Variants in SLCO2A1 observed in about 807,000 individuals in gnomAD.
The protein encoded by SLCO2A1 is matrin F/G 1.
A neutral mutation model predicts 71.7 loss-of-function variants in SLCO2A1; 60 were observed. The ratio of observed to expected loss-of-function variants is 0.84; its 90% CI spans 0.68 to 1.04. The LOEUF is 1.04. Among genes scored for constraint, SLCO2A1 ranks in the 50% least tolerant of loss-of-function variants. The pLI is 0.00. For synonymous variants in SLCO2A1, 308 were observed against 326.7 expected (o/e 0.94, Z 0.62); for missense variants, 745 against 813.4 (o/e 0.92, Z 1.02).
intron 3 of SLCO2A1, among the ~76,000 whole-genome samples, chr3:133,956,448 T>C (rs1933900864): frequency 6.6e-6 from 1 of 152,226 alleles, no homozygotes; most frequent in African/African-American, 2.4e-5. Flanking sequence ...AGAAAGTTGC[T>C]GTCATGGGAG....
intron 2 of SLCO2A1, among the ~76,000 whole-genome samples, chr3:133,978,924 G>A (rs775450988): frequency 1.1e-4 from 17 of 152,142 alleles, no homozygotes; most frequent in East Asian, 1.9e-4. Flanking sequence ...GGAAATGCTC[G>A]GAGGCCATAG....
chr3:133,934,560 G>C lies in SLCO2A1; in HGVS notation c.*153C>G. The stretch of plus-strand genomic sequence containing the variant: ...CTTAGGAACTGTGGGGAGGACTCTG[G>C]GAGGAAGAGGTAGGGAAGGCAAATG... On this transcript the variant is annotated 3_prime_UTR_variant, in exon 14 of 14. Coordinates refer to ENST00000310926, the MANE Select transcript of SLCO2A1 (RefSeq NM_005630.3). The C allele has an allele frequency of 1.7e-6, 1 of 595,016 alleles. No homozygotes were observed. The highest frequency in any genetic ancestry group is 3.0e-6 in the Non-Finnish European group (1 of 334,622). 36.9% of individuals were successfully genotyped at this position (595,016 alleles called of 1,614,324 possible).
chr3:134,007,645 T>C (rs908980551), intron 1 of SLCO2A1, among the ~76,000 whole-genome samples: 23 of 152,134 alleles, frequency 1.5e-4, no homozygotes, highest in African/African-American at 5.3e-4. Flanking sequence ...CCTGGAGTAG[T>C]GGGCAGGGTT....
At chr3:133,953,853 C>A in intron 4 of SLCO2A1, 92 bp from the exon 5 acceptor site, 1 of 929,754 alleles carries the variant, frequency 1.1e-6, no homozygotes, top group South Asian at 1.4e-5. Context: ...CTTGAGATAT[C>A]ACTTCATCTG....
intron 1 of SLCO2A1, chr3:133,998,835 A>G (rs961941440): frequency 1.3e-5 from 2 of 152,270 alleles, no homozygotes; most frequent in Admixed American, 6.5e-5. Flanking sequence ...GACTCATTCT[A>G]AACCTGTGCC....
At chr3:133,973,058 C>G (rs977757688) in intron 3 of SLCO2A1, among the ~76,000 whole-genome samples, 3 of 152,130 alleles carry the variant, frequency 2.0e-5, no homozygotes, top group African/African-American at 7.2e-5. Flanking sequence ...AAATATGGGT[C>G]AACCATAAGT....
chr3:133,954,309 T>C (rs1196803247), intron 4 of SLCO2A1, among the ~76,000 whole-genome samples: 4 of 151,812 alleles, frequency 2.6e-5, no homozygotes, highest in Non-Finnish European at 5.9e-5. Context: ...ACCACAGGTA[T>C]GCGCCACCAT....
intron 1 of SLCO2A1, among the ~76,000 whole-genome samples, chr3:134,020,161 T>C (rs980639114): frequency 9.9e-5 from 15 of 152,146 alleles, no homozygotes; most frequent in Non-Finnish European, 2.1e-4. Flanking sequence ...CAATGGATCA[T>C]GACCCGCTCA....
At position 133,947,344 on chromosome 3, in the gene SLCO2A1, T is replaced by C. The variant is rs771222238; in HGVS notation, c.1207A>G (p.Thr403Ala). 1.1e-5 allele frequency: 17 copies of C among 1,614,102 alleles called. No individual in the cohort carries two copies. Among genetic ancestry groups the C allele is most frequent in the Non-Finnish European group, 1.4e-5 (16 of 1,180,016 alleles). Residue 403 changes from threonine to alanine, a missense_variant, in exon 9 of 14, where the codon ACC (threonine) becomes GCC (alanine). Transcript: ENST00000310926. ...SLQAIPRIAT[T>A]IITISMILCV... ...AGGATCATGGAGATGGTGATGATGG[T>C]GGTAGCTATGCGGGGAATGGCTTGT...
Position 133,986,916 on chromosome 3 carries a change from G to C in SLCO2A1, c.97-7298C>G, listed in dbSNP as rs138293544. ...TTTCCAAACTAAACATCGGAACTAC[G>C]ATCTAACCATTGTTAGGTCACAGTG... On this transcript the variant is annotated intron_variant, in intron 1 of 13. Coordinates refer to ENST00000310926, the MANE Select transcript of SLCO2A1 (RefSeq NM_005630.3). 6.1e-3 allele frequency among the ~76,000 whole-genome samples: 934 copies of C among 152,152 alleles called. 8 individuals are homozygous for C. Among genetic ancestry groups the C allele is most frequent in the African/African-American group, 0.02 (844 of 41,482 alleles).
intron 3 of SLCO2A1, among the ~76,000 whole-genome samples, chr3:133,967,434 G>A (rs746462597): frequency 2.0e-5 from 3 of 152,128 alleles, no homozygotes; most frequent in Non-Finnish European, 2.9e-5. Flanking sequence ...TTCCAGCTTC[G>A]CTCCTTCCCG....
chr3:133,955,031 A>C lies in SLCO2A1; in HGVS notation c.560T>G (p.Ile187Ser), dbSNP rs1235670881. Reference protein sequence around the residue: ...QLLAGIGTVPIQPFGISYVDD... With the variant: ...QLLAGIGTVPSQPFGISYVDD... ...CACATAGGAGATCCCAAATGGCTGA[A>C]TAGGCACTGTCCCGATGCCAGCCAG... is the stretch of plus-strand genomic sequence containing the variant. Residue 187 changes from isoleucine (I) to serine (S), a missense_variant, in exon 4 of 14, where the codon ATT becomes AGT. By Grantham distance (142) the Ile-to-Ser change is moderately radical. Transcript: ENST00000310926. The C allele has an allele frequency of 6.2e-7, 1 of 1,614,068 alleles. No individual in the cohort carries two copies. Among genetic ancestry groups the C allele is most frequent in the African/African-American group, 1.3e-5 (1 of 74,918 alleles).
chr3:133,942,462 A>G (rs1029865375), intron 11 of SLCO2A1, 143 bp downstream of exon 11: 6 of 865,180 alleles, frequency 6.9e-6, no homozygotes, highest in Non-Finnish European at 1.0e-5. Context: ...CCTCAGCAAA[A>G]GAACCTTGCA....
At chr3:134,019,497 C>G (rs1165314244) in intron 1 of SLCO2A1, among the ~76,000 whole-genome samples, 1 of 152,166 alleles carries the variant, frequency 6.6e-6, no homozygotes, top group Non-Finnish European at 1.5e-5. Context: ...TGAACAAATC[C>G]TATTTGTTGA....
At position 134,011,170 on chromosome 3, in the gene SLCO2A1, C is replaced by T. The variant is rs981603885; in HGVS notation, c.96+18537G>A. On this transcript the variant is annotated intron_variant, in intron 1 of 13. Coordinates refer to ENST00000310926, the MANE Select transcript of SLCO2A1 (RefSeq NM_005630.3). Reference sequence around the variant, plus strand: ...GGTTCAAGCAGCTCTCCTGCCTCAGCCTCCCAAGTAGCTGGGATTACAGGT... The same window carrying T: ...GGTTCAAGCAGCTCTCCTGCCTCAGTCTCCCAAGTAGCTGGGATTACAGGT... Among the ~76,000 whole-genome samples the T allele has an allele frequency of 2.0e-5, 3 of 152,196 alleles. No homozygotes were observed. In the South Asian group the frequency reaches 6.2e-4, roughly 31 times the overall value.
At chr3:133,978,414 A>G (rs1934510063) in intron 2 of SLCO2A1, among the ~76,000 whole-genome samples, 1 of 152,136 alleles carries the variant, frequency 6.6e-6, no homozygotes, top group Admixed American at 6.5e-5. Context: ...AGGACCGTAG[A>G]AGGGACTGTC....
chr3:134,000,215 G>T (rs764436582), intron 1 of SLCO2A1, among the ~76,000 whole-genome samples: 21 of 152,184 alleles, frequency 1.4e-4, no homozygotes, highest in Non-Finnish European at 2.5e-4. Context: ...GCAGCTTGAG[G>T]CTGTGGGGCT....
intron 11 of SLCO2A1, 188 bp downstream of exon 11, chr3:133,942,417 G>T: frequency 1.6e-6 from 1 of 616,472 alleles, no homozygotes; most frequent in Non-Finnish European, 2.8e-6. Context: ...TCCCTGGGCA[G>T]GGCTCCCAGC....
At chr3:133,937,742 A>G (rs529683488) in intron 12 of SLCO2A1, among the ~76,000 whole-genome samples, 8 of 152,236 alleles carry the variant, frequency 5.3e-5, no homozygotes, top group Non-Finnish European at 1.0e-4. Context: ...CTGTCATTAC[A>G]AGGATCTCTC....
Sources: allele counts gnomAD v4.1 joint callset (sites outside exome capture counted in the v4.1 genomes callset), GRCh38; gene constraint gnomAD v4.1.1; transcripts MANE v1.5; gene names NCBI Gene and HGNC (gene_info 2026-07-23, HGNC 2026-07-21).